TDRD3: variants seen among roughly 807,000 people sequenced by gnomAD.
TDRD3 encodes the protein tudor domain containing 3.
A neutral mutation model predicts 86.7 loss-of-function variants in TDRD3; 45 were observed. The ratio of observed to expected loss-of-function variants is 0.52; its 90% CI spans 0.41 to 0.67. The LOEUF is 0.67. TDRD3 is among the 30% of genes least tolerant of loss of function. The probability of loss-of-function intolerance (pLI) is 0.00; values close to 1 mark genes in which losing one functional copy is unlikely to be tolerated. For synonymous variants in TDRD3, 298 were observed against 301.7 expected, an observed-to-expected ratio of 0.99 and a Z score of 0.13; for missense variants, 814 against 889.0, an observed-to-expected ratio of 0.92 and a Z score of 1.07.
At chr13:60,544,476 A>T (rs778172009) in intron 12 of TDRD3, among the ~76,000 whole-genome samples, 17 of 151,778 alleles carry the variant, frequency 1.1e-4, no homozygotes, top group Admixed American at 2.0e-4. Flanking sequence ...AAGAAAAAAG[A>T]AAAGAAAAAA....
At chr13:60,437,121 C>CTTTTTTTTT (rs528500199) in intron 1 of TDRD3, among the ~76,000 whole-genome samples, 6 of 73,760 alleles carry the variant, frequency 8.1e-5, no homozygotes, top group Non-Finnish European at 1.5e-4. Flanking sequence ...ATAAATTAAA[C>CTTTTTTTTT]TTTTTTTTTT....
At chr13:60,470,428 T>C (rs537536108) in intron 5 of TDRD3, among the ~76,000 whole-genome samples, 1 of 152,266 alleles carries the variant, frequency 6.6e-6, no homozygotes, top group African/African-American at 2.4e-5. Context: ...ATTTTTAATT[T>C]TTTGAAGAAT....
chr13:60,557,713 C>T (rs1459995725), intron 12 of TDRD3, among the ~76,000 whole-genome samples: 3 of 151,170 alleles, frequency 2.0e-5, no homozygotes, highest in Non-Finnish European at 4.4e-5. Flanking sequence ...TTATATCAAG[C>T]ATTTCTTATA....
At chr13:60,440,574 G>T (rs1473318390) in intron 2 of TDRD3, among the ~76,000 whole-genome samples, 1 of 151,960 alleles carries the variant, frequency 6.6e-6, no homozygotes, top group Non-Finnish European at 1.5e-5. Context: ...CCAGCTACTC[G>T]GGAGGCTGAG....
Position 60,460,536 on chromosome 13 carries a change from A to G in TDRD3, c.349A>G (p.Ile117Val), listed in dbSNP as rs1303632636. Residue 117 changes from isoleucine to valine, a missense_variant, in exon 4 of 14, where the codon ATA (isoleucine) becomes GTA (valine). Ile to Val is a conservative substitution (Grantham distance 29). Coordinates refer to ENST00000377881, the MANE Select transcript of TDRD3 (RefSeq NM_001146070.2). Reference protein sequence around the residue: ...TAVEFSYMSKISLNTPPGTKV... With the variant: ...TAVEFSYMSKVSLNTPPGTKV... ...AGTAGAATTTAGTTATATGTCAAAA[A>G]TAAGGTGATTGGCACTTTATTTTGT... 1.3e-6 allele frequency: 2 copies of G among 1,541,738 alleles called. No homozygotes were observed. Among genetic ancestry groups the G allele is most frequent in the Non-Finnish European group, 1.7e-6 (2 of 1,154,912 alleles).
At chr13:60,438,192 T>G (rs1343895935) in intron 1 of TDRD3, among the ~76,000 whole-genome samples, 1 of 152,162 alleles carries the variant, frequency 6.6e-6, no homozygotes, top group Admixed American at 6.5e-5. Context: ...TATAAGATTA[T>G]TAATTAGAGT....
intron 3 of TDRD3, among the ~76,000 whole-genome samples, chr13:60,455,244 A>C (rs1374948962): frequency 1.3e-5 from 2 of 152,212 alleles, no homozygotes; most frequent in Non-Finnish European, 2.9e-5. Context: ...AATTGTGTTG[A>C]AATGATACTA....
intron 5 of TDRD3, among the ~76,000 whole-genome samples, chr13:60,474,490 A>G (rs1026495317): frequency 6.6e-6 from 1 of 152,180 alleles, no homozygotes; most frequent in African/African-American, 2.4e-5. Flanking sequence ...GCTGGGCCCT[A>G]TACTATATGA....
chr13:60,478,256 C>T (rs1956231801), intron 5 of TDRD3, among the ~76,000 whole-genome samples: 1 of 135,686 alleles, frequency 7.4e-6, no homozygotes, highest in Admixed American at 7.4e-5. Flanking sequence ...TTTGGATCTT[C>T]TCTCTTTTTT....
At chr13:60,400,842 T>C (rs1954075632) in intron 1 of TDRD3, among the ~76,000 whole-genome samples, 1 of 151,998 alleles carries the variant, frequency 6.6e-6, no homozygotes, top group Non-Finnish European at 1.5e-5. Context: ...AATAATTTGC[T>C]CAGAGTTATA....
At position 60,485,845 on chromosome 13, in the gene TDRD3, G is replaced by T; in HGVS notation, c.614G>T (p.Arg205Ile). 1.2e-5 allele frequency: 19 copies of T among 1,609,072 alleles called. No homozygotes were observed. Among genetic ancestry groups the T allele is most frequent in the Non-Finnish European group, 1.4e-5 (17 of 1,177,922 alleles). The change falls in exon 7 of 14, where the codon AGA (arginine) becomes ATA (isoleucine). Residue 205 changes from arginine to isoleucine, a missense_variant. Physicochemically the swap from Arg to Ile is moderately conservative, Grantham distance 97. Coordinates refer to ENST00000377881, the MANE Select transcript of TDRD3 (RefSeq NM_001146070.2). ...VQVDSRELDR[R>I]KTLQVTMPVK... ...GTGGATAGCAGAGAACTTGATCGAA[G>T]AAAAACATTGCAAGTTACAATGCCT...
At chr13:60,428,241 T>C (rs987271206) in intron 1 of TDRD3, among the ~76,000 whole-genome samples, 2 of 150,476 alleles carry the variant, frequency 1.3e-5, no homozygotes, top group Non-Finnish European at 3.0e-5. Flanking sequence ...TCTAGTATGA[T>C]TTTCTTATTT....
chr13:60,407,106 G>C (rs936018342), intron 1 of TDRD3, among the ~76,000 whole-genome samples: 1 of 152,164 alleles, frequency 6.6e-6, no homozygotes, highest in African/African-American at 2.4e-5. Flanking sequence ...AATTGACTCA[G>C]TTCAAGCTTT....
intron 1 of TDRD3, among the ~76,000 whole-genome samples, chr13:60,425,646 G>T (rs773629924): frequency 6.6e-6 from 1 of 151,988 alleles, no homozygotes; most frequent in Non-Finnish European, 1.5e-5. Flanking sequence ...AGAAAATGTG[G>T]TATATACAGT....
At chr13:60,501,993 G>A (rs1380149271) in intron 8 of TDRD3, among the ~76,000 whole-genome samples, 2 of 152,162 alleles carry the variant, frequency 1.3e-5, no homozygotes, top group African/African-American at 4.8e-5. Flanking sequence ...GTTAGAAGGT[G>A]GTAACGTGTA....
At chr13:60,521,706 A>G (rs1566268094) in intron 10 of TDRD3, among the ~76,000 whole-genome samples, 1 of 152,104 alleles carries the variant, frequency 6.6e-6, no homozygotes, top group East Asian at 1.9e-4. Context: ...GACCAGCCTG[A>G]CCAACATGGA....
chr13:60,568,502 G>C (rs1323653831), intron 13 of TDRD3, among the ~76,000 whole-genome samples: 1 of 152,170 alleles, frequency 6.6e-6, no homozygotes, highest in Non-Finnish European at 1.5e-5. Context: ...ACTTTGTGTT[G>C]TATAAGACAG....
chr13:60,420,582 A>G (rs1954629517), intron 1 of TDRD3, among the ~76,000 whole-genome samples: 1 of 152,126 alleles, frequency 6.6e-6, no homozygotes, highest in African/African-American at 2.4e-5. Flanking sequence ...ACAGATATTC[A>G]GGTATTTCAG....
intron 1 of TDRD3, among the ~76,000 whole-genome samples, chr13:60,434,505 G>GTTAAATTT (rs1955040084): frequency 6.6e-6 from 1 of 151,776 alleles, no homozygotes; most frequent in Admixed American, 6.6e-5. Context: ...CTAAACTGCG[G>GTTAAATTT]TGACTTAAAA....
Sources: allele counts gnomAD v4.1 joint callset (sites outside exome capture counted in the v4.1 genomes callset), GRCh38; gene constraint gnomAD v4.1.1; transcripts MANE v1.5; gene names NCBI Gene and HGNC (gene_info 2026-07-23, HGNC 2026-07-21).